JPH1: variants seen among roughly 807,000 people sequenced by gnomAD.
JPH1 encodes junctophilin-1.
A neutral mutation model predicts 53.6 loss-of-function variants in JPH1; 12 were observed. The ratio of observed to expected loss-of-function variants is 0.22; its 90% confidence interval spans 0.14 to 0.36. The LOEUF is 0.36. Ranked by LOEUF, JPH1 falls within the 10% of genes least tolerant of loss-of-function variation. The probability of loss-of-function intolerance (pLI) is 1.00; values close to 1 mark genes in which losing one functional copy is unlikely to be tolerated. For missense variants in JPH1, 808 were observed against 905.5 expected (o/e 0.89, Z 1.38); for synonymous variants, 375 against 363.8 (o/e 1.03, Z -0.35).
rs1404318250 is a variant in JPH1 at position 74,315,560 on chromosome 8, A to G, written c.440T>C (p.Val147Ala). The change falls in exon 2 of 6, where the codon GTG becomes GCG. Residue 147 changes from valine (V) to alanine (A), a missense_variant. Coordinates refer to ENST00000342232, the MANE Select transcript of JPH1 (RefSeq NM_020647.4). The surrounding 1 kb of genome is among the most constrained non-coding windows in gnomAD (Gnocchi z 6.3). ...GATCACCGTGGCCATGCCGTAGGGC[A>G]CGCTCTGGCGCACGCCGTAGCCATG... Reference protein sequence around the residue: ...MRHGYGVRQSVPYGMATVIRS... With the variant: ...MRHGYGVRQSAPYGMATVIRS... 2 of 1,606,030 alleles carry G rather than the reference A, an allele frequency of 1.2e-6. No individual in the cohort carries two copies. The highest frequency in any genetic ancestry group is 1.7e-6 in the Non-Finnish European group (2 of 1,178,480).
At chr8:74,292,618 T>A (rs1415539356) in intron 2 of JPH1, among the ~76,000 whole-genome samples, 1 of 151,860 alleles carries the variant, frequency 6.6e-6, no homozygotes, top group African/African-American at 2.4e-5. Context: ...GATATTTTAA[T>A]AATCTTAACA....
At chr8:74,318,993 AT>A (rs561157157) in intron 1 of JPH1, among the ~76,000 whole-genome samples, 42 of 147,784 alleles carry the variant, frequency 2.8e-4, no homozygotes, top group Non-Finnish European at 3.0e-4. Context: ...AGCATATTAG[AT>A]TTTTTTTTTT....
chr8:74,248,349 G>GA (rs1179780346), intron 3 of JPH1, among the ~76,000 whole-genome samples: 1 of 152,148 alleles, frequency 6.6e-6, no homozygotes. Flanking sequence ...CTGGGTAAGG[G>GA]AAAAAATGCA....
At chr8:74,312,294 C>T (rs1429368107) in intron 2 of JPH1, among the ~76,000 whole-genome samples, 1 of 152,132 alleles carries the variant, frequency 6.6e-6, no homozygotes, top group Non-Finnish European at 1.5e-5. Context: ...CTGTGACACT[C>T]AAGCTGGAGT....
At chr8:74,264,871 C>A (rs889778239) in intron 2 of JPH1, among the ~76,000 whole-genome samples, 3 of 152,168 alleles carry the variant, frequency 2.0e-5, no homozygotes, top group Non-Finnish European at 2.9e-5. Context: ...CTCCTTCTTA[C>A]AGTCTGGTGC....
At chr8:74,245,524 G>A (rs1464095809) in intron 3 of JPH1, among the ~76,000 whole-genome samples, 1 of 152,196 alleles carries the variant, frequency 6.6e-6, no homozygotes, top group Non-Finnish European at 1.5e-5. Context: ...ACTTGTACAA[G>A]GAAGTAAGCT....
rs180937332 is a variant in JPH1 at position 74,284,791 on chromosome 8, C to T, written c.1140-25288G>A. ...TGCATTTTTTTTTTTTTTCATAGAC[C>T]GGTATGTGCTGGTATGGTTACTATT... On this transcript the variant is annotated intron_variant, in intron 2 of 5. Transcript: ENST00000342232. Among the ~76,000 whole-genome samples, 38 of 149,364 alleles carry T rather than the reference C, an allele frequency of 2.5e-4. No individual in the cohort carries two copies. In the East Asian group the frequency reaches 6.3e-3, roughly 25 times the overall value.
chr8:74,244,818 G>A lies in JPH1; in HGVS notation c.1616C>T (p.Pro539Leu). 1.2e-6 allele frequency: 2 copies of A among 1,614,176 alleles called. No individual in the cohort carries two copies. Among genetic ancestry groups the A allele is most frequent in the Non-Finnish European group, 1.7e-6 (2 of 1,180,028 alleles). ...ATGCAGCTCCCCGTTACTGGGGTTG[G>A]GGATGTGGTGGCGGCCAGAGTACTT... ...QSKYSGRHHI[P>L]NPSNGELHSQ... Residue 539 changes from proline to leucine, a missense_variant, in exon 4 of 6, where the codon CCC (proline) becomes CTC (leucine). Coordinates refer to ENST00000342232, the MANE Select transcript of JPH1 (RefSeq NM_020647.4).
At chr8:74,305,343 G>T (rs576857001) in intron 2 of JPH1, among the ~76,000 whole-genome samples, 1 of 152,356 alleles carries the variant, frequency 6.6e-6, no homozygotes, top group South Asian at 2.1e-4. Flanking sequence ...TCTGCCACTT[G>T]CTTAAAAACA....
chr8:74,307,530 A>T (rs1169015560), intron 2 of JPH1, among the ~76,000 whole-genome samples: 1 of 152,224 alleles, frequency 6.6e-6, no homozygotes, highest in East Asian at 1.9e-4. Context: ...AACTAAAGAA[A>T]ATAACTAATG....
At chr8:74,309,866 T>A (rs1443595540) in intron 2 of JPH1, among the ~76,000 whole-genome samples, 19 of 152,226 alleles carry the variant, frequency 1.2e-4, no homozygotes, top group Admixed American at 1.2e-3. Flanking sequence ...CTCTTGCCCA[T>A]TCCAGATCTG....
At chr8:74,241,896 C>T (rs1230389630) in intron 4 of JPH1, among the ~76,000 whole-genome samples, 1 of 152,104 alleles carries the variant, frequency 6.6e-6, no homozygotes, top group Non-Finnish European at 1.5e-5. Context: ...TTGGAAAATT[C>T]CCCTCTTGTC....
Position 74,315,310 on chromosome 8 carries a change from A to G in JPH1, c.690T>C (p.Ser230=). The G allele has an allele frequency of 6.2e-7, 1 of 1,613,886 alleles. No individual in the cohort carries two copies. Among genetic ancestry groups the G allele is most frequent in the Non-Finnish European group, 8.5e-7 (1 of 1,180,030 alleles). The change falls in exon 2 of 6, where the codon TCT becomes TCC. Residue 230 remains serine, a synonymous_variant. Transcript: ENST00000342232. This position sits in a 1 kb window ranked among gnomAD's most constrained non-coding sequence, Gnocchi z 6.3. ...SMKLRKSESK[S]SISSKRSSVR... is the part of the protein sequence containing the mutation. Reference sequence around the variant, plus strand: ...CAGAGCTGCGCTTGCTCGAGATGGAAGACTTGGATTCGGACTTGCGAAGTT... The same window carrying G: ...CAGAGCTGCGCTTGCTCGAGATGGAGGACTTGGATTCGGACTTGCGAAGTT...
At chr8:74,294,329 G>A (rs749649388) in intron 2 of JPH1, among the ~76,000 whole-genome samples, 4 of 152,004 alleles carry the variant, frequency 2.6e-5, no homozygotes, top group African/African-American at 4.8e-5. Flanking sequence ...TTCACCTCTC[G>A]AGCTTCATTT....
intron 2 of JPH1, among the ~76,000 whole-genome samples, chr8:74,276,553 T>C (rs1251366273): frequency 1.3e-5 from 2 of 152,242 alleles, no homozygotes; most frequent in East Asian, 1.9e-4. Context: ...TTGACAATAA[T>C]GATAATTACT....
At chr8:74,301,406 T>G (rs551364294) in intron 2 of JPH1, among the ~76,000 whole-genome samples, 1 of 152,208 alleles carries the variant, frequency 6.6e-6, no homozygotes, top group Admixed American at 6.5e-5. Flanking sequence ...AAGAATAACC[T>G]GAGAAGTCTG....
chr8:74,320,430 C>T lies in JPH1; in HGVS notation c.379+479G>A, dbSNP rs1376465798. Among the ~76,000 whole-genome samples, 2 of 152,178 alleles carry T rather than the reference C, an allele frequency of 1.3e-5. No individual in the cohort carries two copies. Among genetic ancestry groups the T allele is most frequent in the Admixed American group, 6.5e-5 (1 of 15,286 alleles). ...GGACCAGAAGCGAAATACGACTCCA[C>T]GTGAAACCAATCCCGGGAGCGGTCA... On this transcript the variant is annotated intron_variant, in intron 1 of 5. Coordinates refer to ENST00000342232, the MANE Select transcript of JPH1 (RefSeq NM_020647.4). The surrounding 1 kb of genome is among the most constrained non-coding windows in gnomAD (Gnocchi z 4.4).
intron 2 of JPH1, among the ~76,000 whole-genome samples, chr8:74,268,010 A>C (rs900757791): frequency 1.7e-4 from 26 of 152,338 alleles, no homozygotes; most frequent in Admixed American, 7.2e-4. Flanking sequence ...CTTTGGAACC[A>C]GGCAGACCCA....
chr8:74,276,326 G>A (rs1017122893), intron 2 of JPH1, among the ~76,000 whole-genome samples: 1 of 152,186 alleles, frequency 6.6e-6, no homozygotes, highest in Non-Finnish European at 1.5e-5. Context: ...ATCTGAGGCT[G>A]TGAAGGCAGG....
Sources: gnomAD v4.1 joint callset for allele counts (sites outside exome capture counted in the v4.1 genomes callset) on GRCh38, gnomAD v4.1.1 for gene constraint, Gnocchi (gnomAD v3.1) non-coding constraint, MANE v1.5 for transcripts, NCBI Gene and HGNC (gene_info 2026-07-23, HGNC 2026-07-21) for gene names.